OPCML: variants seen among roughly 807,000 people sequenced by gnomAD.
OPCML encodes the protein opioid-binding protein/cell adhesion molecule.
A neutral mutation model predicts 37.8 loss-of-function variants in OPCML; 13 were observed. The ratio of observed to expected loss-of-function variants is 0.34; its 90% CI spans 0.22 to 0.55. OPCML has a LOEUF of 0.55. Among genes scored for constraint, OPCML ranks in the 20% least tolerant of loss-of-function variants. The pLI, the probability that OPCML is intolerant of heterozygous loss-of-function variation, is 0.91. For missense variants in OPCML, 341 were observed against 435.6 expected, an observed-to-expected ratio of 0.78 and a Z score of 1.93; for synonymous variants, 176 against 168.8, an observed-to-expected ratio of 1.04 and a Z score of -0.33.
Position 133,035,740 on chromosome 11 carries a change from G to A in OPCML, c.62-92730C>T, listed in dbSNP as rs192208059. 2.1e-3 allele frequency among the ~76,000 whole-genome samples: 318 copies of A among 152,250 alleles called. 4 individuals are homozygous for A. Among genetic ancestry groups the A allele is most frequent in the South Asian group, 0.018 (88 of 4,816 alleles). ...GAGGTGATTAGGTTAAGGTGTGGTC[G>A]TCAGGGTTGGCCCTAATCCTATATT... On this transcript the variant is annotated intron_variant, in intron 1 of 7. Transcript: ENST00000524381.
chr11:132,898,348 A>G (rs1273533204), intron 2 of OPCML, among the ~76,000 whole-genome samples: 10 of 152,118 alleles, frequency 6.6e-5, no homozygotes, highest in African/African-American at 9.7e-5. Context: ...CAATACTACC[A>G]TCTGTGGACT....
chr11:133,382,655 A>G (rs1424767313), intron 1 of OPCML, among the ~76,000 whole-genome samples: 1 of 152,182 alleles, frequency 6.6e-6, no homozygotes, highest in Non-Finnish European at 1.5e-5. Context: ...TCACCCCTCA[A>G]TAAATGTCTT....
At chr11:133,268,740 G>A (rs988656471) in intron 1 of OPCML, among the ~76,000 whole-genome samples, 2 of 152,168 alleles carry the variant, frequency 1.3e-5, no homozygotes, top group African/African-American at 4.8e-5. Flanking sequence ...TTATAAAAGA[G>A]AATTTATAGA....
chr11:132,627,011 T>C (rs1439436840), intron 3 of OPCML, among the ~76,000 whole-genome samples: 1 of 151,844 alleles, frequency 6.6e-6, no homozygotes, highest in African/African-American at 2.4e-5. Flanking sequence ...AAGCTATAAA[T>C]AGAGAATGAA....
intron 1 of OPCML, among the ~76,000 whole-genome samples, chr11:133,508,644 A>G (rs1447000180): frequency 1.3e-5 from 2 of 152,160 alleles, no homozygotes; most frequent in African/African-American, 4.8e-5. Flanking sequence ...GAGCCTCCCA[A>G]TCACTTGGAG....
chr11:133,515,493 C>A (rs939604786), intron 1 of OPCML, among the ~76,000 whole-genome samples: 2 of 152,042 alleles, frequency 1.3e-5, no homozygotes, highest in African/African-American at 4.8e-5. Context: ...TCAAGAGTGC[C>A]GGGGTTGAAA....
chr11:133,431,723 C>T (rs1946120028), intron 1 of OPCML, among the ~76,000 whole-genome samples: 1 of 151,116 alleles, frequency 6.6e-6, no homozygotes, highest in South Asian at 2.1e-4. Context: ...CCTCAGCCTC[C>T]TAAAGTGCTG....
intron 1 of OPCML, among the ~76,000 whole-genome samples, chr11:133,030,547 A>G (rs1225535323): frequency 6.6e-6 from 1 of 152,220 alleles, no homozygotes; most frequent in East Asian, 1.9e-4. Context: ...CCTTCAAGGA[A>G]CGAATCCACA....
At chr11:132,863,831 G>A (rs1942410125) in intron 2 of OPCML, among the ~76,000 whole-genome samples, 1 of 152,166 alleles carries the variant, frequency 6.6e-6, no homozygotes, top group South Asian at 2.1e-4. Flanking sequence ...CATGACCTTT[G>A]CGTCCAATCC....
intron 3 of OPCML, among the ~76,000 whole-genome samples, chr11:132,637,794 G>T (rs1403645990): frequency 6.6e-6 from 1 of 152,112 alleles, no homozygotes; most frequent in African/African-American, 2.4e-5. Flanking sequence ...GAACTTTCTT[G>T]TGTCTAGATT....
At chr11:132,964,128 G>A (rs1946159587) in intron 1 of OPCML, among the ~76,000 whole-genome samples, 1 of 152,204 alleles carries the variant, frequency 6.6e-6, no homozygotes, top group Non-Finnish European at 1.5e-5. Flanking sequence ...CACAGTCCAG[G>A]AAACACCTGA....
intron 2 of OPCML, among the ~76,000 whole-genome samples, chr11:132,839,929 C>T (rs1357668977): frequency 6.6e-6 from 1 of 152,164 alleles, no homozygotes; most frequent in East Asian, 1.9e-4. Context: ...ATTAAGACTT[C>T]CTTCGGCTTT....
At chr11:132,599,239 T>C (rs1325345103) in intron 3 of OPCML, among the ~76,000 whole-genome samples, 2 of 151,832 alleles carry the variant, frequency 1.3e-5, no homozygotes, top group African/African-American at 4.8e-5. Flanking sequence ...TAAGCCGAGA[T>C]TGCACCACTG....
intron 1 of OPCML, among the ~76,000 whole-genome samples, chr11:133,473,567 A>G (rs1195557166): frequency 6.6e-6 from 1 of 152,182 alleles, no homozygotes; most frequent in Non-Finnish European, 1.5e-5. Context: ...CCCACAGAGA[A>G]CAAAGGAAAA....
intron 2 of OPCML, among the ~76,000 whole-genome samples, chr11:132,769,212 T>G (rs190486009): frequency 1.3e-5 from 2 of 151,654 alleles, no homozygotes; most frequent in African/African-American, 4.9e-5. Flanking sequence ...AGTAGTTTTT[T>G]TGTATTTTTT....
chr11:132,614,945 A>C (rs1455435022), intron 3 of OPCML, among the ~76,000 whole-genome samples: 1 of 152,220 alleles, frequency 6.6e-6, no homozygotes, highest in Non-Finnish European at 1.5e-5. Context: ...GACAGTTTTT[A>C]TTGCCAGTCA....
intron 1 of OPCML, among the ~76,000 whole-genome samples, chr11:133,086,528 T>C (rs1211324927): frequency 6.6e-6 from 1 of 152,194 alleles, no homozygotes; most frequent in African/African-American, 2.4e-5. Flanking sequence ...AAATTCTGCT[T>C]AAATAAATGA....
chr11:133,270,373 A>G (rs1243346020), intron 1 of OPCML, among the ~76,000 whole-genome samples: 2 of 152,152 alleles, frequency 1.3e-5, no homozygotes, highest in Non-Finnish European at 2.9e-5. Context: ...CAAAGAAAAA[A>G]AAAACCATCT....
chr11:132,703,030 A>AT (rs1020189767), intron 2 of OPCML, among the ~76,000 whole-genome samples: 2 of 151,766 alleles, frequency 1.3e-5, no homozygotes, highest in Admixed American at 6.6e-5. Flanking sequence ...ATTATTTTAA[A>AT]TTTTTTCAGG....
Sources: gnomAD v4.1 joint callset for allele counts (sites outside exome capture counted in the v4.1 genomes callset) on GRCh38, gnomAD v4.1.1 for gene constraint, MANE v1.5 for transcripts, NCBI Gene and HGNC (gene_info 2026-07-23, HGNC 2026-07-21) for gene names.